UGT1A8: variants seen among roughly 807,000 people sequenced by gnomAD.
UGT1A8 encodes UDP glucuronosyltransferase family 1 member A8.
UGT1A8 carries 39 observed loss-of-function variants against 45.3 expected under a neutral mutation model. That is an observed-to-expected ratio of 0.86 (90% CI 0.67 to 1.12). The LOEUF (loss-of-function observed/expected upper bound fraction) is 1.12, where lower values mean the gene tolerates loss of function less well. UGT1A8 is among the 50% of genes most tolerant of loss of function. The pLI, the probability that UGT1A8 is intolerant of heterozygous loss-of-function variation, is 0.00. For synonymous variants in UGT1A8, 275 were observed against 249.2 expected (o/e 1.10, Z -0.97); for missense variants, 719 against 664.9 (o/e 1.08, Z -0.90).
intron 1 of UGT1A8, chr2:233,743,847 G>C (rs771949487): frequency 2.9e-6 from 4 of 1,367,222 alleles, no homozygotes; most frequent in East Asian, 4.5e-5. Flanking sequence ...GCCAGCTTGC[G>C]GTACGCCTTC....
chr2:233,704,728 A>G (rs1466296326), intron 1 of UGT1A8, among the ~76,000 whole-genome samples: 1 of 152,076 alleles, frequency 6.6e-6, no homozygotes, highest in Non-Finnish European at 1.5e-5. Context: ...TTTGCTCCCA[A>G]CTGCCTCCCT....
In UGT1A8 at chr2:233,716,181, C is replaced by G. The variant is rs375271371; in HGVS notation, c.856-50853C>G. Among the ~76,000 whole-genome samples the G allele has an allele frequency of 1.4e-4, 21 of 152,300 alleles. No homozygotes were observed. In the East Asian group the frequency reaches 3.9e-3, roughly 28 times the overall value. On this transcript the variant is annotated intron_variant, in intron 1 of 4. Transcript: ENST00000373450. Reference sequence around the variant, plus strand: ...GAGATGCAGTGCAGCATCTTCAAGTCTCTAATTCTTACATCTGTCTCTTTC... The same window carrying G: ...GAGATGCAGTGCAGCATCTTCAAGTGTCTAATTCTTACATCTGTCTCTTTC...
intron 1 of UGT1A8, among the ~76,000 whole-genome samples, chr2:233,660,512 T>C (rs544004786): frequency 4.6e-4 from 70 of 152,294 alleles, no homozygotes; most frequent in African/African-American, 1.6e-3. Flanking sequence ...TGGAACCAGT[T>C]TGGAAAAAGT....
chr2:233,764,455 C>T (rs1040568062), intron 1 of UGT1A8, among the ~76,000 whole-genome samples: 13 of 152,170 alleles, frequency 8.5e-5, no homozygotes, highest in African/African-American at 2.7e-4. Context: ...TTTAAACTTT[C>T]GTGATCTCCT....
intron 1 of UGT1A8, chr2:233,637,129 T>C (rs2073315748): frequency 6.2e-7 from 1 of 1,613,848 alleles, no homozygotes; most frequent in Admixed American, 1.7e-5. Flanking sequence ...TGCCATGACT[T>C]TCAAGGAGAG....
At chr2:233,670,912 TC>T (rs1244357005) in intron 1 of UGT1A8, among the ~76,000 whole-genome samples, 4 of 152,216 alleles carry the variant, frequency 2.6e-5, no homozygotes, top group Non-Finnish European at 2.9e-5. Context: ...GCCGAGGCCT[TC>T]TTGTACAACA....
intron 1 of UGT1A8, among the ~76,000 whole-genome samples, chr2:233,643,341 G>A (rs1208963023): frequency 6.6e-6 from 1 of 152,062 alleles, no homozygotes; most frequent in Non-Finnish European, 1.5e-5. Context: ...TGCCACCCCT[G>A]GCCATGGACA....
intron 1 of UGT1A8, among the ~76,000 whole-genome samples, chr2:233,637,644 A>G (rs940490189): frequency 2.0e-5 from 3 of 152,190 alleles, no homozygotes; most frequent in Non-Finnish European, 4.4e-5. Flanking sequence ...AGTACCAAAA[A>G]CCACAGCAAG....
At chr2:233,732,419 C>T (rs1270659145) in intron 1 of UGT1A8, among the ~76,000 whole-genome samples, 4 of 152,190 alleles carry the variant, frequency 2.6e-5, no homozygotes, top group Non-Finnish European at 5.9e-5. Context: ...CCTAGGTTTT[C>T]TTCTAGGATT....
rs2073390096 is a variant in UGT1A8, at chr2:233,639,455, T to C, written c.855+20893T>C. On this transcript the variant is annotated intron_variant, in intron 1 of 4. Coordinates refer to ENST00000373450, the MANE Select transcript of UGT1A8 (RefSeq NM_019076.5). ...GAACGATGAACACTGCATATTGCTC[T>C]TTCCTTGTTTCAGATGCCAGGATGT... Among the ~76,000 whole-genome samples the C allele has an allele frequency of 3.3e-5, 5 of 152,364 alleles. No individual in the cohort carries two copies. In the South Asian group the frequency reaches 1.0e-3, roughly 32 times the overall value.
At chr2:233,727,146 G>T (rs2077588157) in intron 1 of UGT1A8, among the ~76,000 whole-genome samples, 1 of 152,194 alleles carries the variant, frequency 6.6e-6, no homozygotes, top group Non-Finnish European at 1.5e-5. Context: ...GACCACACAG[G>T]TCAGTCTTTC....
intron 1 of UGT1A8, chr2:233,754,360 T>C (rs1695458970): frequency 2.1e-5 from 6 of 282,296 alleles, no homozygotes; most frequent in South Asian, 1.9e-4. Flanking sequence ...CATACAGATA[T>C]TTACAATGAT....
intron 1 of UGT1A8, chr2:233,692,968 A>G: frequency 6.2e-7 from 1 of 1,609,996 alleles, no homozygotes; most frequent in Non-Finnish European, 8.5e-7. Flanking sequence ...GAGAGTGAAA[A>G]CTCTTTATTA....
chr2:233,738,550 A>G (rs1046913634), intron 1 of UGT1A8, among the ~76,000 whole-genome samples: 1 of 152,224 alleles, frequency 6.6e-6, no homozygotes, highest in African/African-American at 2.4e-5. Flanking sequence ...AGTCTCAGAT[A>G]GAGATGAGGA....
chr2:233,671,766 A>G, intron 1 of UGT1A8: 7 of 1,368,324 alleles, frequency 5.1e-6, no homozygotes, highest in Non-Finnish European at 5.7e-6. Context: ...AAAGCTACTC[A>G]TATATTCTTG....
chr2:233,630,978 C>A (rs537977023), intron 1 of UGT1A8, among the ~76,000 whole-genome samples: 1 of 152,098 alleles, frequency 6.6e-6, no homozygotes. Flanking sequence ...AATGCTTTCC[C>A]TCCCCTAGGC....
intron 1 of UGT1A8, among the ~76,000 whole-genome samples, chr2:233,662,128 T>C (rs1336179268): frequency 1.3e-5 from 2 of 152,222 alleles, no homozygotes; most frequent in African/African-American, 4.8e-5. Flanking sequence ...CTTACCTTTG[T>C]TACTTTTCTC....
Position 233,726,984 on chromosome 2 carries a change from G to A in UGT1A8, c.856-40050G>A, listed in dbSNP as rs570702921. Among the ~76,000 whole-genome samples, 9 of 152,176 alleles carry A rather than the reference G, an allele frequency of 5.9e-5. No individual in the cohort carries two copies. The East Asian group carries it at 1.2e-3, about 20-fold the overall frequency. ...GAGCAAAAGTTTTAGATTTTGATGA[G>A]GTTCTTTCTAGCAAAGTTTTATCAT... On this transcript the variant is annotated intron_variant, in intron 1 of 4. Transcript: ENST00000373450.
chr2:233,630,119 A>G (rs897429053), intron 1 of UGT1A8, among the ~76,000 whole-genome samples: 1 of 151,852 alleles, frequency 6.6e-6, no homozygotes, highest in Non-Finnish European at 1.5e-5. Context: ...TGGTTTCATT[A>G]ATTTTGCCTG....
Sources: allele counts gnomAD v4.1 joint callset (sites outside exome capture counted in the v4.1 genomes callset), GRCh38; gene constraint gnomAD v4.1.1; transcripts MANE v1.5; gene names NCBI Gene and HGNC (gene_info 2026-07-23, HGNC 2026-07-21).